Variants in WWOX observed in about 807,000 individuals in gnomAD.
The protein encoded by WWOX is WW domain containing oxidoreductase, also known as WW domain-containing oxidoreductase.
A neutral mutation model predicts 46.2 loss-of-function variants in WWOX; 69 were observed. The observed-to-expected ratio is 1.49, with a 90% CI of 1.23 to 1.82. The LOEUF (loss-of-function observed/expected upper bound fraction) is 1.82, where lower values mean the gene tolerates loss of function less well. Ranked by LOEUF, WWOX falls within the 40% of genes most tolerant of loss-of-function variation. WWOX has a pLI of 0.00. For missense variants in WWOX, 919 were observed against 542.6 expected (o/e 1.69, Z -6.89); for synonymous variants, 359 against 202.6 (o/e 1.77, Z -6.56).
At chr16:78,163,247 G>C (rs138508826) in intron 4 of WWOX, among the ~76,000 whole-genome samples, 1 of 152,136 alleles carries the variant, frequency 6.6e-6, no homozygotes, top group Non-Finnish European at 1.5e-5. Context: ...ATTTTCTCTT[G>C]CTTCTGGAAA....
At chr16:79,128,219 T>C (rs888996028) in intron 8 of WWOX, among the ~76,000 whole-genome samples, 5 of 152,174 alleles carry the variant, frequency 3.3e-5, no homozygotes, top group Admixed American at 3.3e-4. Context: ...CTTAATGTTG[T>C]TTGTGGCAAT....
chr16:78,546,772 T>A (rs1165938475), intron 8 of WWOX, among the ~76,000 whole-genome samples: 1 of 152,096 alleles, frequency 6.6e-6, no homozygotes, highest in Non-Finnish European at 1.5e-5. Flanking sequence ...AGAGATAAGT[T>A]ACTGACGTGT....
At chr16:78,691,973 G>A (rs2047999913) in intron 8 of WWOX, among the ~76,000 whole-genome samples, 2 of 152,296 alleles carry the variant, frequency 1.3e-5, no homozygotes, top group South Asian at 4.1e-4. Flanking sequence ...GGGTGTATCA[G>A]GAGTTTCCGC....
intron 8 of WWOX, among the ~76,000 whole-genome samples, chr16:79,192,858 C>T (rs1597462522): frequency 6.6e-6 from 1 of 152,238 alleles, no homozygotes; most frequent in African/African-American, 2.4e-5. Context: ...CTTAGCCTCT[C>T]TGAGCTCTAA....
rs542797980 is a variant in WWOX, at chr16:79,209,927, T to A, written c.1057-1681T>A. On this transcript the variant is annotated intron_variant, in intron 8 of 8. Transcript: ENST00000566780. ...TTCCATTAGACTTGAGCCACACAAA[T>A]CAATGGGAAAAGAAACAGCTGAATC... Among the ~76,000 whole-genome samples the A allele has an allele frequency of 3.9e-5, 6 of 152,240 alleles. No homozygotes were observed. The South Asian group carries it at 1.2e-3, about 32-fold the overall frequency.
chr16:79,042,545 G>C (rs1214165055), intron 8 of WWOX, among the ~76,000 whole-genome samples: 1 of 152,106 alleles, frequency 6.6e-6, no homozygotes, highest in African/African-American at 2.4e-5. Flanking sequence ...TAAAATGTGG[G>C]TTTGTCTATT....
At chr16:78,715,528 G>T (rs1227384386) in intron 8 of WWOX, among the ~76,000 whole-genome samples, 9 of 147,986 alleles carry the variant, frequency 6.1e-5, no homozygotes, top group Admixed American at 2.1e-4. Flanking sequence ...CTGTTGTCCA[G>T]GCTGGAGTGC....
chr16:78,100,729 C>T (rs547380779), intron 1 of WWOX, among the ~76,000 whole-genome samples: 2 of 152,296 alleles, frequency 1.3e-5, no homozygotes, highest in East Asian at 1.9e-4. Flanking sequence ...AGGCACTGTG[C>T]GTAAAGCACA....
intron 8 of WWOX, among the ~76,000 whole-genome samples, chr16:79,051,591 C>T (rs1424251007): frequency 1.3e-5 from 2 of 152,228 alleles, no homozygotes; most frequent in African/African-American, 4.8e-5. Context: ...GAGGGAGCGT[C>T]AACATTAGTG....
chr16:78,931,834 C>A (rs1358088108), intron 8 of WWOX, among the ~76,000 whole-genome samples: 1 of 152,188 alleles, frequency 6.6e-6, no homozygotes, highest in Non-Finnish European at 1.5e-5. Context: ...CTCCCATAAT[C>A]CCCACGCCAC....
intron 5 of WWOX, among the ~76,000 whole-genome samples, chr16:78,207,517 C>G (rs1216570050): frequency 1.4e-5 from 2 of 140,880 alleles, no homozygotes; most frequent in Non-Finnish European, 3.1e-5. Context: ...TTTTGGTAAT[C>G]TTTGTTACTT....
intron 4 of WWOX, among the ~76,000 whole-genome samples, chr16:78,131,531 C>G (rs577547279): frequency 6.6e-6 from 1 of 151,988 alleles, no homozygotes; most frequent in East Asian, 1.9e-4. Context: ...TGGGTAGTTT[C>G]TAATTATTTC....
At position 78,423,760 on chromosome 16, in the gene WWOX, C is replaced by A. The variant is rs113890611; in HGVS notation, c.606-1110C>A. ...ACTCGGGAGGCTAAGGTGGAAGGAT[C>A]GTCTGAGCCTGGGAGTTTGAGACTG... is the stretch of plus-strand genomic sequence containing the variant. On this transcript the variant is annotated intron_variant, in intron 6 of 8. Coordinates refer to ENST00000566780, the MANE Select transcript of WWOX (RefSeq NM_016373.4). 2.0e-5 allele frequency among the ~76,000 whole-genome samples: 3 copies of A among 151,140 alleles called. 1 individual carries two copies. The South Asian group carries it at 6.3e-4, about 32-fold the overall frequency.
At chr16:78,774,531 T>TGTGTGC (rs1021809877) in intron 8 of WWOX, among the ~76,000 whole-genome samples, 13 of 144,248 alleles carry the variant, frequency 9.0e-5, no homozygotes, top group African/African-American at 3.1e-4. Flanking sequence ...TGTGTGTGTG[T>TGTGTGC]GCGCGTGCGC....
intron 8 of WWOX, among the ~76,000 whole-genome samples, chr16:78,797,057 C>T (rs563500958): frequency 6.6e-6 from 1 of 152,044 alleles, no homozygotes; most frequent in Admixed American, 6.6e-5. Context: ...AACACCTGAT[C>T]TCAAGTGATC....
At chr16:78,831,558 C>G (rs541971286) in intron 8 of WWOX, among the ~76,000 whole-genome samples, 22 of 152,274 alleles carry the variant, frequency 1.4e-4, no homozygotes, top group African/African-American at 4.6e-4. Flanking sequence ...GCATCAGTGA[C>G]CTGCACACCA....
chr16:79,093,669 C>T (rs979801510), intron 8 of WWOX, among the ~76,000 whole-genome samples: 3 of 152,178 alleles, frequency 2.0e-5, no homozygotes, highest in Admixed American at 6.5e-5. Context: ...CGCACACTTC[C>T]TGTCGAGGCA....
rs12443858 is a variant in WWOX at position 79,193,056 on chromosome 16, C to G, written c.1057-18552C>G. Among the ~76,000 whole-genome samples, 523 of 152,314 alleles carry G rather than the reference C, an allele frequency of 3.4e-3. 5 individuals are homozygous for G. Among genetic ancestry groups the G allele is most frequent in the Admixed American group, 0.025 (380 of 15,292 alleles). On this transcript the variant is annotated intron_variant, in intron 8 of 8. Transcript: ENST00000566780. ...TGGCTGTGAACTGCCAAAGAGTTGC[C>G]AATTCTCTACGATCTTTGACCTCTG...
At chr16:78,908,285 A>C (rs2045018510) in intron 8 of WWOX, among the ~76,000 whole-genome samples, 1 of 152,238 alleles carries the variant, frequency 6.6e-6, no homozygotes, top group South Asian at 2.1e-4. Context: ...CATGCCTGTA[A>C]TCCCAGCATT....
Sources: allele counts gnomAD v4.1 joint callset (sites outside exome capture counted in the v4.1 genomes callset), GRCh38; gene constraint gnomAD v4.1.1; transcripts MANE v1.5; gene names NCBI Gene and HGNC (gene_info 2026-07-23, HGNC 2026-07-21).